Variants in ELOVL7 observed in about 807,000 individuals in gnomAD.
ELOVL7 encodes very long chain fatty acid elongase 7.
ELOVL7 carries 27 observed loss-of-function variants against 35.7 expected under a neutral mutation model. The observed-to-expected ratio is 0.76, with a 90% CI of 0.56 to 1.04. ELOVL7 has a LOEUF of 1.04. Ranked by LOEUF, ELOVL7 falls within the 50% of genes least tolerant of loss-of-function variation. ELOVL7 has a pLI of 0.00. For synonymous variants in ELOVL7, 113 were observed against 114.6 expected, an observed-to-expected ratio of 0.99 and a Z score of 0.09; for missense variants, 327 against 340.8, an observed-to-expected ratio of 0.96 and a Z score of 0.32.
intron 7 of ELOVL7, among the ~76,000 whole-genome samples, chr5:60,760,486 G>T (rs573120725): frequency 8.5e-5 from 13 of 152,208 alleles, no homozygotes; most frequent in African/African-American, 3.1e-4. Context: ...TGATGGGGTT[G>T]TTTGTTTTCT....
At chr5:60,819,769 G>A (rs1382756212) in intron 1 of ELOVL7, among the ~76,000 whole-genome samples, 1 of 152,190 alleles carries the variant, frequency 6.6e-6, no homozygotes, top group Non-Finnish European at 1.5e-5. Context: ...TTGGGTGACA[G>A]TGAGACTCTG....
intron 2 of ELOVL7, among the ~76,000 whole-genome samples, chr5:60,797,141 AAAT>A: frequency 6.6e-6 from 1 of 152,338 alleles, no homozygotes; most frequent in South Asian, 2.1e-4. Context: ...CCTCAGTAAA[AAAT>A]TATTTCAAAT....
At position 60,787,371 on chromosome 5, in the gene ELOVL7, C is replaced by T. The variant is rs547294540; in HGVS notation, c.27G>A (p.Arg9=). The change falls in exon 3 of 9, where the codon AGG becomes AGA. Residue 9 remains arginine, a synonymous_variant. Transcript: ENST00000508821. ...TCCAATTATCATAAAGATGCACAGT[C>T]CTCGATGTAAGATCACTGAAGGCCA... MAFSDLTS[R]TVHLYDNWIK... is the part of the protein sequence containing the mutation. 3 of 1,605,048 alleles carry T rather than the reference C, an allele frequency of 1.9e-6. No homozygotes were observed. The highest frequency in any genetic ancestry group is 1.3e-5 in the African/African-American group (1 of 74,538).
intron 7 of ELOVL7, among the ~76,000 whole-genome samples, chr5:60,763,469 T>A (rs1254201257): frequency 2.6e-5 from 4 of 152,168 alleles, no homozygotes; most frequent in Admixed American, 2.0e-4. Context: ...CAGCTATAGG[T>A]CTATTTGAAG....
intron 2 of ELOVL7, among the ~76,000 whole-genome samples, chr5:60,787,993 T>C (rs147992518): frequency 1.2e-4 from 18 of 152,238 alleles, no homozygotes; most frequent in African/African-American, 3.1e-4. Flanking sequence ...TAGACAAGAA[T>C]AACTGGAGAA....
intron 1 of ELOVL7, among the ~76,000 whole-genome samples, chr5:60,832,944 T>C (rs1424725503): frequency 6.6e-6 from 1 of 152,208 alleles, no homozygotes; most frequent in Non-Finnish European, 1.5e-5. Context: ...GGTTTTATAA[T>C]ACATGGGCCT....
intron 6 of ELOVL7, among the ~76,000 whole-genome samples, chr5:60,765,172 GA>G (rs1742161878): frequency 6.6e-6 from 1 of 152,152 alleles, no homozygotes; most frequent in African/African-American, 2.4e-5. Flanking sequence ...TGAGAATATG[GA>G]AATTTTGCAC....
intron 4 of ELOVL7, among the ~76,000 whole-genome samples, chr5:60,768,216 G>A (rs892913719): frequency 1.3e-5 from 2 of 152,148 alleles, no homozygotes; most frequent in African/African-American, 4.8e-5. Context: ...AGCAAATACT[G>A]GTAGGTGACT....
intron 1 of ELOVL7, among the ~76,000 whole-genome samples, chr5:60,802,423 C>T (rs1472900836): frequency 3.3e-5 from 5 of 152,008 alleles, no homozygotes; most frequent in Non-Finnish European, 5.9e-5. Context: ...ACAACATGAG[C>T]AACAGGCATA....
At chr5:60,766,767 T>A in intron 5 of ELOVL7, 137 bp from the exon 6 acceptor site, 1 of 659,442 alleles carries the variant, frequency 1.5e-6, no homozygotes, top group Non-Finnish European at 2.6e-6. Context: ...TGGCATTAAG[T>A]ACCTTCACAC....
intron 1 of ELOVL7, among the ~76,000 whole-genome samples, chr5:60,820,684 G>A (rs555120122): frequency 5.3e-5 from 8 of 152,176 alleles, no homozygotes; most frequent in East Asian, 1.9e-4. Context: ...TCTATTATTC[G>A]TTCTCCCAAT....
chr5:60,754,659 C>T lies in ELOVL7; in HGVS notation c.811G>A (p.Val271Met), dbSNP rs1741423889. The change falls in exon 9 of 9, where the codon GTG (valine) becomes ATG (methionine). Residue 271 changes from valine to methionine, a missense_variant. By Grantham distance (21) the Val-to-Met change is conservative. Transcript: ENST00000508821. Reference sequence around the variant, plus strand: ...TTGTTTTTGCAAGTTCCATTTTTCACAGTTTTGGGCAACCTCTGACCTTTG... The same window carrying T: ...TTGTTTTTGCAAGTTCCATTTTTCATAGTTTTGGGCAACCTCTGACCTTTG... ...YTKGQRLPKT[V>M]KNGTCKNKDN 1 of 1,613,986 alleles carries T rather than the reference C, an allele frequency of 6.2e-7. No individual in the cohort carries two copies. Among genetic ancestry groups the T allele is most frequent in the Non-Finnish European group, 8.5e-7 (1 of 1,179,960 alleles).
At chr5:60,805,699 T>A (rs945071019) in intron 1 of ELOVL7, among the ~76,000 whole-genome samples, 2 of 152,226 alleles carry the variant, frequency 1.3e-5, no homozygotes, top group Non-Finnish European at 2.9e-5. Context: ...TCACTTCCTC[T>A]GAAATGTCAT....
intron 1 of ELOVL7, among the ~76,000 whole-genome samples, chr5:60,841,308 G>A (rs537054629): frequency 1.3e-5 from 2 of 152,102 alleles, no homozygotes; most frequent in Non-Finnish European, 2.9e-5. Context: ...TTACAGGGGC[G>A]AACCACTGTG....
chr5:60,832,050 T>C (rs930570177), intron 1 of ELOVL7, among the ~76,000 whole-genome samples: 2 of 152,202 alleles, frequency 1.3e-5, no homozygotes, highest in Non-Finnish European at 2.9e-5. Flanking sequence ...AACCAGCACT[T>C]TTTTTCTGAA....
intron 1 of ELOVL7, among the ~76,000 whole-genome samples, chr5:60,810,127 A>C (rs1745161574): frequency 6.6e-6 from 1 of 152,202 alleles, no homozygotes; most frequent in Non-Finnish European, 1.5e-5. Context: ...ACTTCACTTG[A>C]GGCTTGTTAA....
intron 7 of ELOVL7, among the ~76,000 whole-genome samples, chr5:60,758,982 A>C (rs1741714742): frequency 6.6e-6 from 1 of 152,210 alleles, no homozygotes; most frequent in Non-Finnish European, 1.5e-5. Flanking sequence ...TTAAAGGAAA[A>C]TACAAATTCA....
At chr5:60,775,345 G>T (rs1274334211) in intron 3 of ELOVL7, among the ~76,000 whole-genome samples, 1 of 152,060 alleles carries the variant, frequency 6.6e-6, no homozygotes, top group Non-Finnish European at 1.5e-5. Flanking sequence ...AATACAAATG[G>T]AAAAACATTC....
intron 3 of ELOVL7, among the ~76,000 whole-genome samples, chr5:60,786,457 C>T (rs1160798844): frequency 6.6e-6 from 1 of 152,142 alleles, no homozygotes; most frequent in Non-Finnish European, 1.5e-5. Context: ...TTATAACCTG[C>T]TTTCATTTAA....
Sources: allele counts gnomAD v4.1 joint callset (sites outside exome capture counted in the v4.1 genomes callset), GRCh38; gene constraint gnomAD v4.1.1; transcripts MANE v1.5; gene names NCBI Gene and HGNC (gene_info 2026-07-23, HGNC 2026-07-21).